The following TLE2 variants were observed in gnomAD, a reference collection of about 807,000 sequenced individuals.
TLE2 encodes the protein transducin-like enhancer protein 2.
In TLE2, 74 loss-of-function variants were observed where a neutral mutation model predicts 97.2. The observed-to-expected ratio is 0.76, with a 90% CI of 0.63 to 0.92. The LOEUF (loss-of-function observed/expected upper bound fraction) is 0.92, where lower values mean the gene tolerates loss of function less well. Among genes scored for constraint, TLE2 ranks in the 40% least tolerant of loss-of-function variants. The pLI is 0.00. For synonymous variants in TLE2, 499 were observed against 432.1 expected (o/e 1.15, Z -1.92); for missense variants, 1,038 against 1,008.7 (o/e 1.03, Z -0.39).
At chr19:3,046,010 A>G (rs2090138708), upstream of TLE2, among the ~76,000 whole-genome samples, 1 of 152,114 alleles carries the variant, frequency 6.6e-6, no homozygotes, top group Admixed American at 6.6e-5. Context: ...GGCGTGATAG[A>G]TGTTCAGGAC....
intron 5 of TLE2, 22 bp downstream of exon 5, chr19:3,024,995 TCCC>T: frequency 1.3e-6 from 1 of 790,218 alleles, no homozygotes; most frequent in Non-Finnish European, 2.0e-6. Context: ...CTTCCCCTCC[TCCC>T]CCCACCCCCA....
chr19:3,001,791 C>CTTTTTTTTTT (rs562875053), intron 18 of TLE2, among the ~76,000 whole-genome samples: 5 of 111,460 alleles, frequency 4.5e-5, no homozygotes, highest in African/African-American at 1.1e-4. Context: ...TCTTTTCTTT[C>CTTTTTTTTTT]TTTTTTTTTT....
chr19:3,025,981 A>T (rs1281309599), intron 4 of TLE2, among the ~76,000 whole-genome samples: 4 of 149,772 alleles, frequency 2.7e-5, no homozygotes, highest in Non-Finnish European at 5.9e-5. Flanking sequence ...TCTCCTTCCC[A>T]GCCACCGGGA....
chr19:3,013,882 ATCC>A, intron 10 of TLE2, 64 bp from the exon 11 acceptor site: 8 of 1,352,178 alleles, frequency 5.9e-6, no homozygotes, highest in Non-Finnish European at 7.7e-6. Flanking sequence ...TCCCTTCTCT[ATCC>A]TCCTCCCGAC....
chr19:3,002,302 TGGGTTTTGTTG>T, intron 18 of TLE2, 40 bp downstream of exon 18: 1 of 1,557,838 alleles, frequency 6.4e-7, no homozygotes, highest in Non-Finnish European at 8.7e-7. Context: ...ATAGGCACCC[TGGGTTTTGTTG>T]GGGTTTTGAG....
At chr19:3,038,920 G>A (rs2090079985) in intron 1 of TLE2, among the ~76,000 whole-genome samples, 1 of 152,164 alleles carries the variant, frequency 6.6e-6, no homozygotes, top group South Asian at 2.1e-4. Context: ...GCGCATGCCT[G>A]TAATCCCAGC....
At chr19:3,039,225 CA>C (rs1198237452) in intron 1 of TLE2, among the ~76,000 whole-genome samples, 36,685 of 103,606 alleles carry the variant, frequency 0.35, 5,077 homozygotes, top group Middle Eastern at 0.5. Flanking sequence ...TTCCCCACTC[CA>C]AAAAAAAAAA....
At chr19:3,039,438 GCCTCAAGA>G (rs1291152619) in intron 1 of TLE2, among the ~76,000 whole-genome samples, 1 of 151,968 alleles carries the variant, frequency 6.6e-6, no homozygotes, top group Non-Finnish European at 1.5e-5. Flanking sequence ...CCAGAGTCTA[GCCTCAAGA>G]CCTCTGCACT....
At chr19:3,042,292 G>T (rs1463045730) in intron 1 of TLE2, among the ~76,000 whole-genome samples, 1 of 124,414 alleles carries the variant, frequency 8.0e-6, no homozygotes, top group South Asian at 3.1e-4. Context: ...AGGGAGGAAG[G>T]GGGGGCGGTG....
rs1742112901 is a variant in TLE2, at chr19:3,045,741, AG to A, written c.47del (p.Pro16LeufsTer42). ...AGCTACTCGCCTGTAATCCTGAAGC[AG>A]GAGAATCTTGGGAGGCGGAGGTTGC... On this transcript the variant is annotated frameshift_variant, in exon 1 of 19. Transcript: ENST00000426948. LOFTEE classifies it high-confidence loss of function. The A allele has an allele frequency of 2.2e-6, 1 of 448,324 alleles. No homozygotes were observed. The highest frequency in any genetic ancestry group is 4.5e-6 in the Non-Finnish European group (1 of 222,212). 27.8% of individuals were successfully genotyped at this position (448,324 alleles called of 1,614,324 possible).
chr19:3,031,872 C>A (rs1384126167), upstream of TLE2, among the ~76,000 whole-genome samples: 1 of 152,168 alleles, frequency 6.6e-6, no homozygotes, highest in Non-Finnish European at 1.5e-5. Flanking sequence ...TTCACACTCT[C>A]CATCCTATTC....
upstream of TLE2, among the ~76,000 whole-genome samples, chr19:3,029,389 C>G (rs560260261): frequency 6.1e-5 from 9 of 147,388 alleles, no homozygotes; most frequent in East Asian, 2.0e-4. Flanking sequence ...CCGCGCCCCC[C>G]CCGGCCCCCG....
At position 3,016,022 on chromosome 19, in the gene TLE2, C is replaced by T. The variant is rs944981703; in HGVS notation, c.571-262G>A. ...AGCCATCTCGGCCCACTGAGACCCC[C>T]GCCTCCCGGGTTCAAGCGATCCTCC... On this transcript the variant is annotated intron_variant, in intron 8 of 19. Transcript: ENST00000262953. 61 of 554,354 alleles carry T rather than the reference C, an allele frequency of 1.1e-4. No homozygotes were observed. In the East Asian group the frequency reaches 1.2e-3, roughly 11 times the overall value. 34.3% of individuals were successfully genotyped at this position (554,354 alleles called of 1,614,324 possible).
chr19:3,014,526 C>A, intron 10 of TLE2, 44 bp downstream of exon 10: 1 of 1,522,240 alleles, frequency 6.6e-7, no homozygotes, highest in Admixed American at 2.0e-5. Flanking sequence ...CCACCCCTTG[C>A]TCTGTGCCCA....
intron 18 of TLE2, among the ~76,000 whole-genome samples, chr19:3,000,978 A>C (rs542333425): frequency 6.6e-6 from 1 of 151,910 alleles, no homozygotes; most frequent in Non-Finnish European, 1.5e-5. Context: ...ACGCCCAGCT[A>C]ATATTTTTAT....
intron 14 of TLE2, among the ~76,000 whole-genome samples, chr19:3,006,871 C>T (rs1228846183): frequency 4.0e-5 from 6 of 151,766 alleles, no homozygotes; most frequent in Admixed American, 3.9e-4. Context: ...CAACCTCTGC[C>T]TCCTGGGTTC....
chr19:2,998,032 C>T (rs113553089), intron 19 of TLE2, 77 bp from the exon 20 acceptor site: 64 of 1,056,832 alleles, frequency 6.1e-5, no homozygotes, highest in African/African-American at 2.3e-4. Context: ...AAGGCTGGGG[C>T]GGAGTCAGGA....
At chr19:3,008,733 G>C in intron 14 of TLE2, 136 bp downstream of exon 14, 2 of 584,792 alleles carry the variant, frequency 3.4e-6, no homozygotes, top group Non-Finnish European at 5.3e-6. Flanking sequence ...TTACAGGAGT[G>C]AACCACTGTG....
Position 3,019,691 on chromosome 19 carries a change from A to C in TLE2, c.369+8T>G. The C allele has an allele frequency of 6.2e-7, 1 of 1,606,388 alleles. No homozygotes were observed. The highest frequency in any genetic ancestry group is 8.5e-7 in the Non-Finnish European group (1 of 1,176,752). ...CCCCATGGCGGGGCAGGGGCTAGAG[A>C]GACTCACCCCGATGAGGCTGTTCAG... On this transcript the variant is annotated splice_region_variant and intron_variant, in intron 6 of 19. Coordinates refer to ENST00000262953, the MANE Select transcript of TLE2 (RefSeq NM_003260.5). The surrounding 1 kb of genome is among the most constrained non-coding windows in gnomAD (Gnocchi z 5.1).
Sources: gnomAD v4.1 joint callset for allele counts (sites outside exome capture counted in the v4.1 genomes callset) on GRCh38, gnomAD v4.1.1 for gene constraint, Gnocchi (gnomAD v3.1) non-coding constraint, MANE v1.5 for transcripts, NCBI Gene and HGNC (gene_info 2026-07-23, HGNC 2026-07-21) for gene names.